Variants in REEP1 observed in about 807,000 individuals in gnomAD.
The protein encoded by REEP1 is receptor accessory protein 1.
A neutral mutation model predicts 40.3 loss-of-function variants in REEP1; 22 were observed. The observed-to-expected ratio is 0.55, with a 90% CI of 0.39 to 0.78. The LOEUF (loss-of-function observed/expected upper bound fraction) is 0.78, where lower values mean the gene tolerates loss of function less well. Among genes scored for constraint, REEP1 ranks in the 30% least tolerant of loss-of-function variants. The probability of loss-of-function intolerance (pLI) is 0.00; values close to 1 mark genes in which losing one functional copy is unlikely to be tolerated. For synonymous variants in REEP1, 116 were observed against 139.2 expected (o/e 0.83, Z 1.17); for missense variants, 280 against 361.1 (o/e 0.78, Z 1.82).
At chr2:86,330,229 G>A (rs1680702341) in intron 1 of REEP1, among the ~76,000 whole-genome samples, 1 of 152,198 alleles carries the variant, frequency 6.6e-6, no homozygotes, top group Admixed American at 6.5e-5. Context: ...TTCTAGGTTT[G>A]CAAAGCTGGT....
upstream of REEP1, chr2:86,338,016 G>A: frequency 6.5e-7 from 1 of 1,536,922 alleles, no homozygotes; most frequent in Middle Eastern, 1.7e-4. Flanking sequence ...GCCTCATAAA[G>A]GGTTTACCTG....
intron 2 of REEP1, among the ~76,000 whole-genome samples, chr2:86,279,139 C>T (rs558092204): frequency 1.8e-4 from 28 of 152,266 alleles, no homozygotes; most frequent in African/African-American, 6.3e-4. Flanking sequence ...TCATGATAAC[C>T]GTTTCTGTGC....
At chr2:86,333,371 G>A (rs1680862401) in intron 1 of REEP1, among the ~76,000 whole-genome samples, 1 of 152,172 alleles carries the variant, frequency 6.6e-6, no homozygotes, top group Admixed American at 6.5e-5. Flanking sequence ...CAGATCTTCA[G>A]CCATCAAACT....
At chr2:86,286,996 T>C (rs1182488148) in intron 1 of REEP1, among the ~76,000 whole-genome samples, 1 of 152,204 alleles carries the variant, frequency 6.6e-6, no homozygotes, top group African/African-American at 2.4e-5. Context: ...ACTGAAGAAA[T>C]TGTATGTCAC....
At chr2:86,327,819 G>C (rs531713413) in intron 1 of REEP1, among the ~76,000 whole-genome samples, 2 of 152,086 alleles carry the variant, frequency 1.3e-5, no homozygotes, top group South Asian at 4.2e-4. Context: ...TGCCCGCCTC[G>C]GCCTCCCAAA....
intron 3 of REEP1, among the ~76,000 whole-genome samples, chr2:86,262,874 T>C (rs544964249): frequency 6.6e-6 from 1 of 152,346 alleles, no homozygotes; most frequent in African/African-American, 2.4e-5. Flanking sequence ...GAAATCGATA[T>C]ATTATTTACA....
In REEP1 at chr2:86,240,561, C is replaced by T. The variant is rs116295791; in HGVS notation, c.418-7759G>A. The stretch of plus-strand genomic sequence containing the variant: ...TGAGAGTGGACGAAAACCCAAGGTG[C>T]ACCTGGGAAACGGTGAGTGAACCCA... On this transcript the variant is annotated intron_variant, in intron 5 of 8. Transcript: ENST00000538924. Among the ~76,000 whole-genome samples the T allele has an allele frequency of 1.9e-3, 282 of 152,254 alleles. 4 individuals are homozygous for T. Among genetic ancestry groups the T allele is most frequent in the African/African-American group, 6.6e-3 (274 of 41,532 alleles).
chr2:86,231,045 G>A (rs1434264201), intron 6 of REEP1, among the ~76,000 whole-genome samples: 1 of 152,232 alleles, frequency 6.6e-6, no homozygotes, highest in Non-Finnish European at 1.5e-5. Flanking sequence ...AAGCCTGGAT[G>A]GTTGATGAGT....
At chr2:86,219,090 C>T (rs935287001) in intron 8 of REEP1, among the ~76,000 whole-genome samples, 3 of 152,186 alleles carry the variant, frequency 2.0e-5, no homozygotes, top group Admixed American at 6.5e-5. Context: ...AGGCTCCAGG[C>T]TCAGCCCTCC....
At chr2:86,280,345 T>C (rs183798520) in intron 2 of REEP1, among the ~76,000 whole-genome samples, 82 of 152,352 alleles carry the variant, frequency 5.4e-4, no homozygotes, top group Non-Finnish European at 8.7e-4. Flanking sequence ...TGGTTTTCAC[T>C]CTAAATTAAT....
At chr2:86,262,744 C>G (rs1003938598) in intron 3 of REEP1, among the ~76,000 whole-genome samples, 1 of 152,242 alleles carries the variant, frequency 6.6e-6, no homozygotes, top group African/African-American at 2.4e-5. Context: ...TACAACACAG[C>G]AAATGCAAAA....
chr2:86,297,009 C>G (rs1014295186), intron 1 of REEP1, among the ~76,000 whole-genome samples: 1 of 152,222 alleles, frequency 6.6e-6, no homozygotes, highest in Non-Finnish European at 1.5e-5. Context: ...CCTCCCTCAG[C>G]ATCTCCCACC....
chr2:86,230,512 C>T (rs548305905), intron 6 of REEP1, among the ~76,000 whole-genome samples: 2 of 152,362 alleles, frequency 1.3e-5, no homozygotes, highest in Middle Eastern at 3.4e-3. Context: ...ATCCCTCCCT[C>T]GAACCTGACC....
intron 3 of REEP1, among the ~76,000 whole-genome samples, chr2:86,259,818 G>A (rs1676761203): frequency 6.6e-6 from 1 of 152,168 alleles, no homozygotes; most frequent in Non-Finnish European, 1.5e-5. Flanking sequence ...GTTTTACAAA[G>A]TTAACCATGA....
At chr2:86,299,343 C>T (rs1378648634) in intron 1 of REEP1, among the ~76,000 whole-genome samples, 5 of 152,196 alleles carry the variant, frequency 3.3e-5, no homozygotes, top group African/African-American at 1.2e-4. Flanking sequence ...TCAGCATTAT[C>T]CCTGGGCTTT....
intron 1 of REEP1, among the ~76,000 whole-genome samples, chr2:86,328,098 G>T (rs2104533709): frequency 6.6e-6 from 1 of 152,256 alleles, no homozygotes; most frequent in Middle Eastern, 3.4e-3. Context: ...AGATCCTGCT[G>T]GATCCTGCAA....
intron 1 of REEP1, among the ~76,000 whole-genome samples, chr2:86,318,923 C>T (rs554594975): frequency 6.6e-6 from 1 of 152,172 alleles, no homozygotes; most frequent in African/African-American, 2.4e-5. Flanking sequence ...TACAGGTTTC[C>T]AAACAAAATC....
chr2:86,214,609 C>G lies in REEP1; in HGVS notation c.*2430G>C, dbSNP rs777697735. 4 of 152,620 alleles carry G rather than the reference C, an allele frequency of 2.6e-5. No individual in the cohort carries two copies. Among genetic ancestry groups the G allele is most frequent in the Non-Finnish European group, 5.9e-5 (4 of 68,040 alleles). The allele number at this position is 152,620 out of a possible 1,614,324, so 9.5% of individuals were successfully genotyped here. Reference sequence around the variant, plus strand: ...ACACCACTACATGTACACTTACAGGCTTTCACATTTTATGTCAGTTCATAC... The same window carrying G: ...ACACCACTACATGTACACTTACAGGGTTTCACATTTTATGTCAGTTCATAC... On this transcript the variant is annotated 3_prime_UTR_variant, in exon 9 of 9. Transcript: ENST00000538924.
intron 5 of REEP1, among the ~76,000 whole-genome samples, chr2:86,247,193 C>T (rs1676016706): frequency 6.6e-6 from 1 of 152,090 alleles, no homozygotes; most frequent in African/African-American, 2.4e-5. Flanking sequence ...ACTAGGAATG[C>T]TGAGACAGAG....
Sources: gnomAD v4.1 joint callset for allele counts (sites outside exome capture counted in the v4.1 genomes callset) on GRCh38, gnomAD v4.1.1 for gene constraint, MANE v1.5 for transcripts, NCBI Gene and HGNC (gene_info 2026-07-23, HGNC 2026-07-21) for gene names.